FAM135B: variants seen among roughly 807,000 people sequenced by gnomAD.
FAM135B encodes family with sequence similarity 135 member B.
In FAM135B, 43 loss-of-function variants were observed where a neutral mutation model predicts 127.7. That is an observed-to-expected ratio of 0.34 (90% confidence interval 0.26 to 0.43). FAM135B has a LOEUF of 0.43. FAM135B is among the 20% of genes least tolerant of loss of function. FAM135B has a pLI of 1.00. For synonymous variants in FAM135B, 670 were observed against 665.1 expected, an observed-to-expected ratio of 1.01 and a Z score of -0.11; for missense variants, 1,558 against 1,725.6, an observed-to-expected ratio of 0.90 and a Z score of 1.72.
At position 138,146,023 on chromosome 8, in the gene FAM135B, T is replaced by C. The variant is rs778880625; in HGVS notation, c.3476A>G (p.Lys1159Arg). ...AGGGAGCCCCAGTTCTATGAAAGTC[T>C]TTACCAGCCGGAGGTCTGCACTGTT... ...DGNSADLRLV[K>R]TFIELGLPGG... Residue 1159 changes from lysine to arginine, a missense_variant, in exon 15 of 20, where the codon AAG becomes AGG. Lys to Arg is a conservative substitution (Grantham distance 26). This residue lies in a region of FAM135B where 194 missense variants were observed against 333.8 expected (regional missense o/e 0.58). Coordinates refer to ENST00000395297, the MANE Select transcript of FAM135B (RefSeq NM_015912.4). The C allele has an allele frequency of 1.5e-5, 24 of 1,609,198 alleles. No homozygotes were observed. In the African/African-American group the frequency reaches 2.9e-4, roughly 20 times the overall value.
intron 2 of FAM135B, among the ~76,000 whole-genome samples, chr8:138,354,291 C>T (rs11166817): frequency 0.49 from 74,222 of 151,918 alleles, 20,337 homozygotes; most frequent in Non-Finnish European, 0.63. Flanking sequence ...TCTGGCTAGC[C>T]CCATCCCTCC....
chr8:138,326,325 C>A (rs1827796537), intron 2 of FAM135B, among the ~76,000 whole-genome samples: 2 of 152,110 alleles, frequency 1.3e-5, no homozygotes, highest in African/African-American at 4.8e-5. Context: ...TATGAAACAT[C>A]ATTACAAGAT....
chr8:138,386,048 C>G (rs1832186730), intron 1 of FAM135B, among the ~76,000 whole-genome samples: 2 of 151,880 alleles, frequency 1.3e-5, no homozygotes, highest in Non-Finnish European at 2.9e-5. Context: ...GAAACCTCCA[C>G]TCTACTAAAA....
chr8:138,334,974 T>C (rs182476680), intron 2 of FAM135B, among the ~76,000 whole-genome samples: 5 of 152,346 alleles, frequency 3.3e-5, no homozygotes, highest in Admixed American at 2.0e-4. Flanking sequence ...CATCAATGCA[T>C]TTATAATCCT....
intron 1 of FAM135B, among the ~76,000 whole-genome samples, chr8:138,383,961 C>T (rs1245668644): frequency 1.3e-5 from 2 of 152,204 alleles, no homozygotes; most frequent in Admixed American, 6.5e-5. Context: ...GGTGCCCCTC[C>T]TCTGTTAAGC....
At chr8:138,261,914 C>T (rs1468466492) in intron 4 of FAM135B, among the ~76,000 whole-genome samples, 1 of 152,222 alleles carries the variant, frequency 6.6e-6, no homozygotes, top group East Asian at 1.9e-4. Flanking sequence ...TTTTGGTTGT[C>T]ATAAGCAGAC....
intron 2 of FAM135B, among the ~76,000 whole-genome samples, chr8:138,356,776 C>T (rs1483614605): frequency 3.9e-5 from 6 of 152,220 alleles, no homozygotes; most frequent in East Asian, 1.9e-4. Context: ...TGTGGAGCCA[C>T]GGAAACCCTT....
At chr8:138,394,769 C>T (rs1832769003) in intron 1 of FAM135B, among the ~76,000 whole-genome samples, 1 of 152,134 alleles carries the variant, frequency 6.6e-6, no homozygotes, top group Non-Finnish European at 1.5e-5. Flanking sequence ...CTATGATGTC[C>T]TGGGACCCAC....
intron 1 of FAM135B, among the ~76,000 whole-genome samples, chr8:138,475,317 T>A (rs1462636269): frequency 6.6e-6 from 1 of 152,144 alleles, no homozygotes; most frequent in African/African-American, 2.4e-5. Flanking sequence ...ATGCTCTAAC[T>A]GGGGAGTCAC....
intron 1 of FAM135B, among the ~76,000 whole-genome samples, chr8:138,370,753 T>A (rs1831063186): frequency 6.6e-6 from 1 of 152,172 alleles, no homozygotes; most frequent in Non-Finnish European, 1.5e-5. Context: ...CTCTGCCCCA[T>A]GTAAAATACT....
chr8:138,425,664 A>AGAGTAGAATGAATACAGACAG (rs1834798026), intron 1 of FAM135B: 1 of 151,586 alleles, frequency 6.6e-6, no homozygotes, highest in Non-Finnish European at 1.5e-5. Context: ...CACCCTCTTC[A>AGAGTAGAATGAATACAGACAG]GAGTAGAATG....
At chr8:138,305,910 C>G (rs576385165) in intron 3 of FAM135B, among the ~76,000 whole-genome samples, 1 of 152,126 alleles carries the variant, frequency 6.6e-6, no homozygotes, top group African/African-American at 2.4e-5. Flanking sequence ...AAATTATATA[C>G]ACACATGCAT....
intron 4 of FAM135B, 130 bp downstream of exon 4, chr8:138,265,573 A>G (rs1294259669): frequency 2.0e-6 from 2 of 999,110 alleles, no homozygotes; most frequent in Admixed American, 2.5e-5. Flanking sequence ...TGAGTGCACT[A>G]AAAGCACTAA....
Position 138,435,078 on chromosome 8 carries a change from C to T in FAM135B, c.-20+61593G>A, listed in dbSNP as rs181229416. Among the ~76,000 whole-genome samples, 182 of 152,278 alleles carry T rather than the reference C, an allele frequency of 1.2e-3. 2 individuals carry two copies. The East Asian group carries it at 0.013, about 11-fold the overall frequency. Reference sequence around the variant, plus strand: ...ATCCCAGCACTTTGGGAGGCCGAGGCGGGTGGATCACGAGGTCAGGAGTTT... The same window carrying T: ...ATCCCAGCACTTTGGGAGGCCGAGGTGGGTGGATCACGAGGTCAGGAGTTT... On this transcript the variant is annotated intron_variant, in intron 1 of 19. Transcript: ENST00000395297.
intron 19 of FAM135B, among the ~76,000 whole-genome samples, chr8:138,134,016 C>T (rs1563665892): frequency 6.6e-6 from 1 of 152,174 alleles, no homozygotes; most frequent in Non-Finnish European, 1.5e-5. Flanking sequence ...ATGGTATGGT[C>T]ATTCCCAAGA....
intron 1 of FAM135B, among the ~76,000 whole-genome samples, chr8:138,494,317 T>C (rs893416700): frequency 6.6e-6 from 1 of 152,214 alleles, no homozygotes; most frequent in African/African-American, 2.4e-5. Context: ...CCATTCATCA[T>C]GGCCATGGCT....
intron 2 of FAM135B, chr8:138,358,244 T>C (rs1249575929): frequency 6.6e-6 from 1 of 152,180 alleles, no homozygotes; most frequent in African/African-American, 2.4e-5. Context: ...CAAGATGGTA[T>C]TTGGGTGGGG....
intron 1 of FAM135B, among the ~76,000 whole-genome samples, chr8:138,475,099 TATATC>T (rs60701999): frequency 0.63 from 95,903 of 151,430 alleles, 31,318 homozygotes; most frequent in East Asian, 0.99. Context: ...AGTTTGAAAG[TATATC>T]CTTAGCTTAT....
At chr8:138,171,637 T>C (rs1012934770) in intron 11 of FAM135B, among the ~76,000 whole-genome samples, 1 of 152,192 alleles carries the variant, frequency 6.6e-6, no homozygotes, top group Non-Finnish European at 1.5e-5. Context: ...TAGGGAGCTC[T>C]GCAAGAGTGG....
Sources: gnomAD v4.1 joint callset for allele counts (sites outside exome capture counted in the v4.1 genomes callset) on GRCh38, gnomAD v4.1.1 for gene constraint, gnomAD v4.1.1 regional missense constraint, MANE v1.5 for transcripts, NCBI Gene and HGNC (gene_info 2026-07-23, HGNC 2026-07-21) for gene names.